MMP26: variants seen among roughly 807,000 people sequenced by gnomAD.
MMP26 encodes matrix metalloproteinase-26.
Under a neutral mutation model 31.0 loss-of-function variants are expected in MMP26, and 33 were observed. The ratio of observed to expected loss-of-function variants is 1.06; its 90% CI spans 0.81 to 1.42. The LOEUF (loss-of-function observed/expected upper bound fraction) is 1.42. Among genes scored for constraint, MMP26 ranks in the 40% most tolerant of loss-of-function variants. The probability of loss-of-function intolerance (pLI) is 0.00; values close to 1 mark genes in which losing one functional copy is unlikely to be tolerated. For missense variants in MMP26, 347 were observed against 316.1 expected (o/e 1.10, Z -0.74); for synonymous variants, 122 against 114.9 (o/e 1.06, Z -0.40).
chr11:4,847,708 T>A (rs1849893375), intron 2 of MMP26: 1 of 152,212 alleles, frequency 6.6e-6, no homozygotes, highest in South Asian at 2.1e-4. Context: ...CTGATCAGAG[T>A]TAAATAACCT....
chr11:4,955,948 AATT>A (rs765347597), intron 2 of MMP26, among the ~76,000 whole-genome samples: 1 of 152,198 alleles, frequency 6.6e-6, no homozygotes, highest in Non-Finnish European at 1.5e-5. Flanking sequence ...GCATTGGGAA[AATT>A]ATTTCTGGAC....
chr11:4,855,774 A>G (rs1850042251), intron 2 of MMP26, among the ~76,000 whole-genome samples: 1 of 152,222 alleles, frequency 6.6e-6, no homozygotes, highest in South Asian at 2.1e-4. Flanking sequence ...TAACTGTCAG[A>G]TTCACCAAAG....
At chr11:4,990,507 A>G (rs550348236) in intron 4 of MMP26, 91 bp from the exon 5 acceptor site, 7 of 1,281,930 alleles carry the variant, frequency 5.5e-6, no homozygotes, top group Non-Finnish European at 7.4e-6. Context: ...AAACTATTAA[A>G]TGATTCTCCC....
intron 2 of MMP26, among the ~76,000 whole-genome samples, chr11:4,956,880 T>G (rs1846451406): frequency 6.6e-6 from 1 of 152,232 alleles, no homozygotes; most frequent in Admixed American, 6.5e-5. Flanking sequence ...TGACCAATAT[T>G]TCTTAGAAAA....
chr11:4,981,554 G>C (rs1846813762), intron 2 of MMP26, among the ~76,000 whole-genome samples: 2 of 152,154 alleles, frequency 1.3e-5, no homozygotes, highest in Non-Finnish European at 2.9e-5. Flanking sequence ...TGTGGGCCTA[G>C]AGGTTGCTCT....
chr11:4,784,290 G>A (rs1051191053), intron 2 of MMP26, among the ~76,000 whole-genome samples: 9 of 152,180 alleles, frequency 5.9e-5, no homozygotes, highest in African/African-American at 2.2e-4. Context: ...TTTCCAAGGT[G>A]AGTGTTCCAA....
chr11:4,737,578 G>C (rs1037004771), intron 1 of MMP26, among the ~76,000 whole-genome samples: 1 of 152,210 alleles, frequency 6.6e-6, no homozygotes, highest in Admixed American at 6.5e-5. Context: ...GGGAGGCGGA[G>C]GTTGCGGTGA....
chr11:4,922,557 C>G (rs1316248024), intron 2 of MMP26, among the ~76,000 whole-genome samples: 1 of 152,074 alleles, frequency 6.6e-6, no homozygotes, highest in African/African-American at 2.4e-5. Context: ...GAAAGAAAAA[C>G]AGCAGTATTT....
At chr11:4,808,282 A>G (rs1849304611) in intron 2 of MMP26, among the ~76,000 whole-genome samples, 1 of 152,186 alleles carries the variant, frequency 6.6e-6, no homozygotes, top group Non-Finnish European at 1.5e-5. Context: ...CTAGATAACA[A>G]TTCAGACTCC....
chr11:4,816,740 A>G (rs1173187757), intron 2 of MMP26, among the ~76,000 whole-genome samples: 2 of 112,524 alleles, frequency 1.8e-5, no homozygotes, highest in East Asian at 4.8e-4. Flanking sequence ...GTCTCGCTCT[A>G]TTGCCCAGGC....
At chr11:4,715,029 A>G (rs1478871958) in intron 1 of MMP26, among the ~76,000 whole-genome samples, 1 of 151,970 alleles carries the variant, frequency 6.6e-6, no homozygotes, top group Admixed American at 6.6e-5. Context: ...AATTTTAGGC[A>G]ACACAGCATG....
chr11:4,897,389 C>T (rs1850723438), intron 2 of MMP26, among the ~76,000 whole-genome samples: 1 of 151,370 alleles, frequency 6.6e-6, no homozygotes, highest in Non-Finnish European at 1.5e-5. Context: ...TTGCCCGCCT[C>T]AGTCTCCCAA....
At chr11:4,955,852 C>G in intron 2 of MMP26, 1 of 621,562 alleles carries the variant, frequency 1.6e-6, no homozygotes. Context: ...CTTCTTTCAG[C>G]TTTCTTTTGA....
chr11:4,959,220 A>T (rs1232914460), intron 2 of MMP26, among the ~76,000 whole-genome samples: 3 of 138,134 alleles, frequency 2.2e-5, no homozygotes, highest in African/African-American at 8.4e-5. Flanking sequence ...CCTGGGCGAC[A>T]GAGAGAAACT....
chr11:4,806,374 T>C (rs1849270125), intron 2 of MMP26, among the ~76,000 whole-genome samples: 1 of 152,284 alleles, frequency 6.6e-6, no homozygotes, highest in Middle Eastern at 3.4e-3. Context: ...TTTGTAGGTC[T>C]CTACGGACTT....
intron 1 of MMP26, among the ~76,000 whole-genome samples, chr11:4,716,091 G>T (rs1847926518): frequency 6.6e-6 from 1 of 152,208 alleles, no homozygotes; most frequent in Admixed American, 6.5e-5. Context: ...TAAAAGCCCA[G>T]CAAGAAATTG....
At chr11:4,827,696 T>C (rs1431690274) in intron 2 of MMP26, among the ~76,000 whole-genome samples, 1 of 151,540 alleles carries the variant, frequency 6.6e-6, no homozygotes, top group African/African-American at 2.4e-5. Flanking sequence ...AAAGCAGAAA[T>C]GGAGGAGGAA....
Position 4,935,101 on chromosome 11 carries a change from A to G in MMP26, c.-144-52967A>G, listed in dbSNP as rs1245607455. Among the ~76,000 whole-genome samples, 2 of 151,590 alleles carry G rather than the reference A, an allele frequency of 1.3e-5. 1 individual carries two copies. Among genetic ancestry groups the G allele is most frequent in the Non-Finnish European group, 2.9e-5 (2 of 67,844 alleles). ...TATGAACTTTAAAGTATTTTTTTCCAATTCTGTGAAAAAAGTCATTGGTAG... is the reference window on the plus strand; with the variant it reads ...TATGAACTTTAAAGTATTTTTTTCCGATTCTGTGAAAAAAGTCATTGGTAG... On this transcript the variant is annotated intron_variant, in intron 2 of 7. Coordinates refer to ENST00000380390, the MANE Select transcript of MMP26 (RefSeq NM_021801.5).
intron 2 of MMP26, among the ~76,000 whole-genome samples, chr11:4,891,379 A>G (rs1307685713): frequency 1.3e-5 from 2 of 152,112 alleles, no homozygotes; most frequent in Non-Finnish European, 2.9e-5. Context: ...CTTTTCAACC[A>G]TCAGATTTTG....
Sources: gnomAD v4.1 joint callset for allele counts (sites outside exome capture counted in the v4.1 genomes callset) on GRCh38, gnomAD v4.1.1 for gene constraint, MANE v1.5 for transcripts, NCBI Gene and HGNC (gene_info 2026-07-23, HGNC 2026-07-21) for gene names.